Variants in MRPS5 observed in about 807,000 individuals in gnomAD.
MRPS5 encodes the protein small ribosomal subunit protein uS5m.
A neutral mutation model predicts 51.9 loss-of-function variants in MRPS5; 27 were observed. The observed-to-expected ratio is 0.52, with a 90% confidence interval of 0.38 to 0.72. The LOEUF is 0.72. Among genes scored for constraint, MRPS5 ranks in the 30% least tolerant of loss-of-function variants. The pLI is 0.00. For missense variants in MRPS5, 570 were observed against 545.7 expected, an observed-to-expected ratio of 1.04 and a Z score of -0.44; for synonymous variants, 196 against 193.2, an observed-to-expected ratio of 1.01 and a Z score of -0.12.
intron 10 of MRPS5, among the ~76,000 whole-genome samples, chr2:95,096,812 C>A (rs952246921): frequency 2.6e-5 from 4 of 152,170 alleles, no homozygotes; most frequent in African/African-American, 9.7e-5. Context: ...CACTCCTATT[C>A]AACATACTGT....
intron 4 of MRPS5, 133 bp from the exon 5 acceptor site, chr2:95,108,541 G>T: frequency 1.3e-6 from 1 of 745,220 alleles, no homozygotes; most frequent in Non-Finnish European, 2.1e-6. Context: ...TATTAACTTG[G>T]TAGGTCACTT....
At chr2:95,089,964 T>A (rs1360954165) in intron 11 of MRPS5, among the ~76,000 whole-genome samples, 1 of 151,064 alleles carries the variant, frequency 6.6e-6, no homozygotes, top group Non-Finnish European at 1.5e-5. Flanking sequence ...GATCACGAGG[T>A]CAGGAGATCG....
Position 95,100,889 on chromosome 2 carries a change from C to G in MRPS5, c.816G>C (p.Lys272Asn). ...AATGCAAATGGTGAACTGCTCTGTTCTTTGCCTGAAAGGAAAATGTTTTTC... is the reference window on the plus strand; with the variant it reads ...AATGCAAATGGTGAACTGCTCTGTTGTTTGCCTGAAAGGAAAATGTTTTTC... Reference protein sequence around the residue: ...TDRMDAFRKAKNRAVHHLHYI... With the variant: ...TDRMDAFRKANNRAVHHLHYI... The change falls in exon 9 of 12, where the codon AAG becomes AAC. Residue 272 changes from lysine to asparagine, a missense_variant. Transcript: ENST00000272418. The G allele has an allele frequency of 6.2e-7, 1 of 1,607,694 alleles. No individual in the cohort carries two copies. Among genetic ancestry groups the G allele is most frequent in the South Asian group, 1.1e-5 (1 of 89,616 alleles).
Position 95,087,321 on chromosome 2 carries a change from G to C in MRPS5, c.*36C>G. The C allele has an allele frequency of 6.5e-7, 1 of 1,539,694 alleles. No individual in the cohort carries two copies. Among genetic ancestry groups the C allele is most frequent in the Non-Finnish European group, 9.0e-7 (1 of 1,113,110 alleles). Reference sequence around the variant, plus strand: ...GGGGCTGAGTCTCTCCTAGGTGCAGGGCAGCACAGGAACTGGCTGCACAAG... The same window carrying C: ...GGGGCTGAGTCTCTCCTAGGTGCAGCGCAGCACAGGAACTGGCTGCACAAG... On this transcript the variant is annotated 3_prime_UTR_variant, in exon 12 of 12. Coordinates refer to ENST00000272418, the MANE Select transcript of MRPS5 (RefSeq NM_031902.5).
rs556381877 is a variant in MRPS5, at chr2:95,110,717, A to G, written c.278-676T>C. 4.5e-4 allele frequency among the ~76,000 whole-genome samples: 69 copies of G among 152,302 alleles called. No individual in the cohort carries two copies. In the South Asian group the frequency reaches 0.01, roughly 23 times the overall value. ...CTGGGGAGGCTGAGGTGGGAGGGTC[A>G]CTTGACCCCAGGAGTTTGAGATTAC... is the stretch of plus-strand genomic sequence containing the variant. On this transcript the variant is annotated intron_variant, in intron 3 of 11. Coordinates refer to ENST00000272418, the MANE Select transcript of MRPS5 (RefSeq NM_031902.5).
intron 3 of MRPS5, among the ~76,000 whole-genome samples, chr2:95,110,577 A>C (rs1384920908): frequency 6.6e-6 from 1 of 152,208 alleles, no homozygotes; most frequent in African/African-American, 2.4e-5. Context: ...CTGAGGCAGG[A>C]GGATCACTTG....
intron 10 of MRPS5, among the ~76,000 whole-genome samples, chr2:95,094,260 GGTGTACCTGGAA>G (rs1675552987): frequency 6.6e-6 from 1 of 152,176 alleles, no homozygotes; most frequent in South Asian, 2.1e-4. Context: ...ACATTTGATT[GGTGTACCTGGAA>G]GTGACAGGGA....
At chr2:95,100,669 T>C in intron 9 of MRPS5, 133 bp from the exon 10 acceptor site, 1 of 875,632 alleles carries the variant, frequency 1.1e-6, no homozygotes, top group Non-Finnish European at 1.8e-6. Flanking sequence ...TAAGCTCTGA[T>C]TTCATTCATT....
rs762002409 is a variant in MRPS5 at position 95,109,923 on chromosome 2, A to G, written c.396T>C (p.Ile132=). Residue 132 remains isoleucine (I), a synonymous_variant, in exon 4 of 12, where the codon ATT becomes ATC. Coordinates refer to ENST00000272418, the MANE Select transcript of MRPS5 (RefSeq NM_031902.5). ...KRKDLNRGQI[I]GEGRYGFLWP... is the part of the protein sequence containing the mutation. ...TTTTATAAATAAGTTTACCTTCACC[A>G]ATGATCTGACCCCTGTTCAGATCCT... 4.9e-5 allele frequency: 79 copies of G among 1,607,540 alleles called. No individual in the cohort carries two copies. The highest frequency in any genetic ancestry group is 1.9e-4 in the Middle Eastern group (1 of 5,276).
chr2:95,087,599 C>A lies in MRPS5; in HGVS notation c.1069-18G>T. 6.2e-7 allele frequency: 1 copy of A among 1,604,542 alleles called. No individual in the cohort carries two copies. Among genetic ancestry groups the A allele is most frequent in the Non-Finnish European group, 8.5e-7 (1 of 1,174,346 alleles). ...TGGGTTTCCTAAGCAAGACCAAATT[C>A]AGAACAGGTTAGGTCTGAAGTACAT... is the stretch of plus-strand genomic sequence containing the variant. On this transcript the variant is annotated intron_variant, in intron 11 of 11. Transcript: ENST00000272418.
At chr2:95,121,019 G>A (rs1676429415) in intron 1 of MRPS5, among the ~76,000 whole-genome samples, 1 of 152,168 alleles carries the variant, frequency 6.6e-6, no homozygotes, top group Non-Finnish European at 1.5e-5. Flanking sequence ...TCAGGAGGCT[G>A]AGGCAGGAGA....
chr2:95,107,152 C>T (rs1675973831), intron 5 of MRPS5, among the ~76,000 whole-genome samples: 1 of 152,232 alleles, frequency 6.6e-6, no homozygotes, highest in Non-Finnish European at 1.5e-5. Flanking sequence ...TAGTCAGCTT[C>T]AACACGCATC....
chr2:95,093,938 A>T (rs943118001), intron 10 of MRPS5, among the ~76,000 whole-genome samples: 1 of 152,238 alleles, frequency 6.6e-6, no homozygotes, highest in Non-Finnish European at 1.5e-5. Flanking sequence ...AACTTCTCCA[A>T]GTTAAAGGAG....
At chr2:95,092,870 C>T (rs1675508404) in intron 10 of MRPS5, 1 of 152,236 alleles carries the variant, frequency 6.6e-6, no homozygotes, top group Non-Finnish European at 1.5e-5. Context: ...ACTGGTTGGA[C>T]AGTGGGTGCT....
At chr2:95,118,061 A>C (rs529894281) in intron 1 of MRPS5, 116 bp from the exon 2 acceptor site, 1 of 711,332 alleles carries the variant, frequency 1.4e-6, no homozygotes, top group Non-Finnish European at 2.3e-6. Flanking sequence ...GGGAGTAAGT[A>C]ATTTCTGGGC....
intron 1 of MRPS5, among the ~76,000 whole-genome samples, 191 bp downstream of exon 1, chr2:95,121,543 G>A (rs964192587): frequency 2.0e-5 from 3 of 152,216 alleles, no homozygotes; most frequent in Non-Finnish European, 4.4e-5. Flanking sequence ...ACAGACAAGA[G>A]CTCCGCGACC....
chr2:95,092,639 T>G (rs971203742), intron 10 of MRPS5: 1 of 152,196 alleles, frequency 6.6e-6, no homozygotes, highest in Admixed American at 6.5e-5. Flanking sequence ...ATGGTCTAGA[T>G]CATACAAAAA....
chr2:95,106,024 C>G (rs1306981860), intron 6 of MRPS5, among the ~76,000 whole-genome samples: 1 of 152,190 alleles, frequency 6.6e-6, no homozygotes, highest in East Asian at 1.9e-4. Flanking sequence ...CAGACAGGCA[C>G]CACAACTCTT....
At chr2:95,087,993 C>CA (rs1184887680) in intron 11 of MRPS5, among the ~76,000 whole-genome samples, 1 of 119,498 alleles carries the variant, frequency 8.4e-6, no homozygotes, top group East Asian at 3.0e-4. Context: ...CACTACAAAA[C>CA]AAACAACCTG....
Sources: gnomAD v4.1 joint callset for allele counts (sites outside exome capture counted in the v4.1 genomes callset) on GRCh38, gnomAD v4.1.1 for gene constraint, MANE v1.5 for transcripts, NCBI Gene and HGNC (gene_info 2026-07-23, HGNC 2026-07-21) for gene names.